Variants in LONRF2 observed in about 807,000 individuals in gnomAD.
LONRF2 encodes LON peptidase N-terminal domain and RING finger protein 2.
Under a neutral mutation model 66.6 loss-of-function variants are expected in LONRF2, and 35 were observed. That is an observed-to-expected ratio of 0.53 (90% CI 0.40 to 0.70). LONRF2 has a LOEUF of 0.70. LONRF2 is among the 30% of genes least tolerant of loss of function. The probability of loss-of-function intolerance (pLI) is 0.00; values close to 1 mark genes in which losing one functional copy is unlikely to be tolerated. For missense variants in LONRF2, 902 were observed against 1,002.1 expected (o/e 0.90, Z 1.35); for synonymous variants, 417 against 418.1 (o/e 1.00, Z 0.03).
intron 10 of LONRF2, 142 bp downstream of exon 10, chr2:100,290,116 C>T (rs7599212): frequency 0.29 from 204,994 of 700,476 alleles, 33,104 homozygotes; most frequent in African/African-American, 0.6. Context: ...CAAAAATAAA[C>T]AAATAGATAA....
At chr2:100,292,467 T>C (rs1368379647) in intron 9 of LONRF2, among the ~76,000 whole-genome samples, 2 of 152,262 alleles carry the variant, frequency 1.3e-5, no homozygotes, top group Non-Finnish European at 2.9e-5. Flanking sequence ...CTCTGCCTAC[T>C]CTCTCCCTGT....
intron 2 of LONRF2, among the ~76,000 whole-genome samples, 163 bp from the exon 3 acceptor site, chr2:100,303,206 AC>A (rs1227503680): frequency 1.3e-5 from 2 of 152,198 alleles, no homozygotes; most frequent in African/African-American, 4.8e-5. Flanking sequence ...TACTTTCTCT[AC>A]CCTGGAAACT....
intron 1 of LONRF2, among the ~76,000 whole-genome samples, chr2:100,312,842 A>G (rs988585555): frequency 6.6e-6 from 1 of 152,262 alleles, no homozygotes. Context: ...AAACTAAAGG[A>G]GTTCTCCAAG....
chr2:100,300,889 C>T, intron 3 of LONRF2, 102 bp from the exon 4 acceptor site: 1 of 893,442 alleles, frequency 1.1e-6, no homozygotes, highest in East Asian at 3.0e-5. Flanking sequence ...GCCAAATAAG[C>T]CTAAAATGTT....
rs76404368 is a variant in LONRF2 at position 100,300,165 on chromosome 2, G to A, written c.1066-247C>T. On this transcript the variant is annotated intron_variant, in intron 4 of 11. Transcript: ENST00000393437. The stretch of plus-strand genomic sequence containing the variant: ...ATCTTCATATGCAATCTGTCTGTCT[G>A]TCTATCTATCTACACACACACACAC... Among the ~76,000 whole-genome samples, 531 of 119,316 alleles carry A rather than the reference G, an allele frequency of 4.5e-3. 2 individuals carry two copies. The highest frequency in any genetic ancestry group is 0.015 in the African/African-American group (473 of 30,790). The allele number at this position is 119,316 out of a possible 152,430, so 78.3% of individuals were successfully genotyped here.
intron 1 of LONRF2, among the ~76,000 whole-genome samples, chr2:100,309,726 G>A (rs1421985166): frequency 2.0e-5 from 3 of 151,824 alleles, no homozygotes; most frequent in South Asian, 4.1e-4. Flanking sequence ...AGGCTGAAGT[G>A]CAATGGCATG....
chr2:100,289,430 C>CTTTTTTTTTTTTTTTTTTTT (rs10543662), intron 10 of LONRF2, among the ~76,000 whole-genome samples: 1 of 77,076 alleles, frequency 1.3e-5, no homozygotes, highest in African/African-American at 6.2e-5. Flanking sequence ...ACAATAAGGT[C>CTTTTTTTTTTTTTTTTTTTT]TTTTTTTTTT....
In LONRF2 at chr2:100,282,359, T is replaced by C. The variant is rs1015373482; in HGVS notation, c.*1939A>G. 4.6e-5 allele frequency: 7 copies of C among 152,222 alleles called. No individual in the cohort carries two copies. The highest frequency in any genetic ancestry group is 1.7e-4 in the African/African-American group (7 of 41,458). 9.4% of individuals were successfully genotyped at this position (152,222 alleles called of 1,614,324 possible). A position where few individuals can be genotyped will look rare whatever the true frequency, so the allele number is the denominator to read the frequency against. ...AGAAGCTGTGATCACATTGTGGTTA[T>C]TTAGATACTTCCAAATGGAAATGGC... On this transcript the variant is annotated 3_prime_UTR_variant, in exon 12 of 12. Transcript: ENST00000393437.
intron 1 of LONRF2, among the ~76,000 whole-genome samples, chr2:100,315,839 T>G (rs1473664411): frequency 6.6e-6 from 1 of 152,194 alleles, no homozygotes; most frequent in Non-Finnish European, 1.5e-5. Context: ...ATTTCCTTCT[T>G]TGTACTCTCT....
chr2:100,300,858 A>G, intron 3 of LONRF2, 71 bp from the exon 4 acceptor site: 1 of 1,251,582 alleles, frequency 8.0e-7, no homozygotes, highest in Non-Finnish European at 1.0e-6. Context: ...TATGTCTTAT[A>G]GATTCAGAGG....
At chr2:100,316,421 TGTGA>T (rs570384949) in intron 1 of LONRF2, among the ~76,000 whole-genome samples, 108 of 143,316 alleles carry the variant, frequency 7.5e-4, no homozygotes, top group Middle Eastern at 3.4e-3. Flanking sequence ...TACTTTATGT[TGTGA>T]TTCATTTTAC....
At chr2:100,321,214 G>T (rs1387247273) in intron 1 of LONRF2, among the ~76,000 whole-genome samples, 1 of 152,230 alleles carries the variant, frequency 6.6e-6, no homozygotes, top group Non-Finnish European at 1.5e-5. Flanking sequence ...GACAAAACCA[G>T]TGGGGTGCAC....
At chr2:100,298,117 G>A (rs1012167206) in intron 7 of LONRF2, among the ~76,000 whole-genome samples, 1 of 152,126 alleles carries the variant, frequency 6.6e-6, no homozygotes, top group African/African-American at 2.4e-5. Flanking sequence ...CCCTTAAGAT[G>A]TTATATGACT....
chr2:100,275,318 G>A lies in LONRF2; in HGVS notation c.*8980C>T. The A allele has an allele frequency of 6.6e-6, 1 of 152,280 alleles. No homozygotes were observed. The highest frequency in any genetic ancestry group is 1.9e-4 in the East Asian group (1 of 5,190). The allele number at this position is 152,280 out of a possible 1,614,324, so 9.4% of individuals were successfully genotyped here. Reference sequence around the variant, plus strand: ...CAATGACGGTAGCTCCCTCCACAAGGAGCAAGGAACGGCTTTCCCTGTGAG... The same window carrying A: ...CAATGACGGTAGCTCCCTCCACAAGAAGCAAGGAACGGCTTTCCCTGTGAG... On this transcript the variant is annotated 3_prime_UTR_variant, in exon 12 of 12. Coordinates refer to ENST00000393437, the MANE Select transcript of LONRF2 (RefSeq NM_198461.4).
chr2:100,313,480 G>T (rs530302603), intron 1 of LONRF2, among the ~76,000 whole-genome samples: 1 of 152,296 alleles, frequency 6.6e-6, no homozygotes, highest in Non-Finnish European at 1.5e-5. Context: ...GGGTGACAGA[G>T]TGAGACCCAG....
At chr2:100,307,906 G>A (rs542070993) in intron 2 of LONRF2, among the ~76,000 whole-genome samples, 1 of 151,848 alleles carries the variant, frequency 6.6e-6, no homozygotes, top group Non-Finnish European at 1.5e-5. Context: ...ATGGATGAAG[G>A]CATAGGAGAA....
rs1674610562 is a variant in LONRF2 at position 100,276,820 on chromosome 2, T to C, written c.*7478A>G. On this transcript the variant is annotated 3_prime_UTR_variant, in exon 12 of 12. Coordinates refer to ENST00000393437, the MANE Select transcript of LONRF2 (RefSeq NM_198461.4). ...ATTAAGTGTCTACTTGCACAGCTTC[T>C]TGGCTGCCGTTTGCCTTCTGCCCTG... The C allele has an allele frequency of 1.3e-5, 2 of 152,380 alleles. No homozygotes were observed. Among genetic ancestry groups the C allele is most frequent in the East Asian group, 3.9e-4 (2 of 5,184 alleles). The allele number at this position is 152,380 out of a possible 1,614,324, so 9.4% of individuals were successfully genotyped here.
In LONRF2 at chr2:100,290,398, G is replaced by A. The variant is rs767166772; in HGVS notation, c.1780C>T (p.Leu594=). The A allele has an allele frequency of 1.2e-6, 2 of 1,613,356 alleles. No individual in the cohort carries two copies. The highest frequency in any genetic ancestry group is 1.7e-6 in the Non-Finnish European group (2 of 1,179,838). Residue 594 remains leucine, a synonymous_variant, in exon 10 of 12, where the codon CTG becomes TTG. Transcript: ENST00000393437. ...AACGTTCTCACGTCCTTAATCTCCAGCATGCATCCATACTCTGAAAGCCTG... is the reference window on the plus strand; with the variant it reads ...AACGTTCTCACGTCCTTAATCTCCAACATGCATCCATACTCTGAAAGCCTG... The part of the protein sequence containing the change: ...HAGLSEYGCM[L]EIKDVRTFPD...
chr2:100,278,480 A>T lies in LONRF2; in HGVS notation c.*5818T>A, dbSNP rs145236122. 1 of 152,362 alleles carries T rather than the reference A, an allele frequency of 6.6e-6. No homozygotes were observed. The highest frequency in any genetic ancestry group is 1.5e-5 in the Non-Finnish European group (1 of 68,106). 9.4% of individuals were successfully genotyped at this position (152,362 alleles called of 1,614,324 possible). On this transcript the variant is annotated 3_prime_UTR_variant, in exon 12 of 12. Transcript: ENST00000393437. The stretch of plus-strand genomic sequence containing the variant: ...ACTTGAGCCTAAACTTCCACCAAAA[A>T]GCAAGAACCAAAACCCTATCAAGCA...
Sources: gnomAD v4.1 joint callset for allele counts (sites outside exome capture counted in the v4.1 genomes callset) on GRCh38, gnomAD v4.1.1 for gene constraint, MANE v1.5 for transcripts, NCBI Gene and HGNC (gene_info 2026-07-23, HGNC 2026-07-21) for gene names.